DPYD: variants seen among roughly 807,000 people sequenced by gnomAD.
The protein encoded by DPYD is dihydropyrimidine dehydrogenase [NADP(+)].
A neutral mutation model predicts 116.2 loss-of-function variants in DPYD; 109 were observed. That is an observed-to-expected ratio of 0.94 (90% CI 0.80 to 1.10). The LOEUF (loss-of-function observed/expected upper bound fraction) is 1.10. DPYD is among the 50% of genes least tolerant of loss of function. DPYD has a pLI of 0.00. For missense variants in DPYD, 1,302 were observed against 1,254.5 expected, an observed-to-expected ratio of 1.04 and a Z score of -0.57; for synonymous variants, 440 against 432.0, an observed-to-expected ratio of 1.02 and a Z score of -0.23.
chr1:97,130,340 C>A (rs956425536), intron 20 of DPYD, among the ~76,000 whole-genome samples: 3 of 152,096 alleles, frequency 2.0e-5, no homozygotes, highest in Admixed American at 1.3e-4. Context: ...AAAGTATCTT[C>A]TTTGTATGGA....
At chr1:97,391,554 T>C (rs1252249200) in intron 14 of DPYD, among the ~76,000 whole-genome samples, 1 of 151,966 alleles carries the variant, frequency 6.6e-6, no homozygotes, top group African/African-American at 2.4e-5. Context: ...TTCAAGTCTC[T>C]CTAGGTGGTC....
At chr1:97,460,687 T>C (rs1175461818) in intron 13 of DPYD, among the ~76,000 whole-genome samples, 2 of 152,162 alleles carry the variant, frequency 1.3e-5, no homozygotes, top group African/African-American at 2.4e-5. Context: ...AGAAATGTCA[T>C]TGTCCTGAAC....
chr1:97,113,485 A>G (rs1160531478), intron 20 of DPYD, among the ~76,000 whole-genome samples: 1 of 152,122 alleles, frequency 6.6e-6, no homozygotes, highest in Non-Finnish European at 1.5e-5. Context: ...TGTGGAATTC[A>G]CTAATCTACC....
At chr1:97,546,979 G>A in intron 12 of DPYD, 2 of 1,601,926 alleles carry the variant, frequency 1.2e-6, no homozygotes, top group South Asian at 1.1e-5. Context: ...ACTCTGAATG[G>A]ACCATAGTGT....
At chr1:97,857,156 G>GA (rs1284743591) in intron 2 of DPYD, among the ~76,000 whole-genome samples, 1 of 152,068 alleles carries the variant, frequency 6.6e-6, no homozygotes, top group Non-Finnish European at 1.5e-5. Flanking sequence ...CCCATAGCCT[G>GA]AAAAATAGAA....
chr1:97,466,770 G>A (rs1412083944), intron 13 of DPYD, among the ~76,000 whole-genome samples: 1 of 151,970 alleles, frequency 6.6e-6, no homozygotes, highest in African/African-American at 2.4e-5. Flanking sequence ...AGGCCACCAG[G>A]CATCCAGTAC....
intron 19 of DPYD, among the ~76,000 whole-genome samples, chr1:97,219,338 C>T (rs1474829746): frequency 1.3e-5 from 2 of 152,022 alleles, no homozygotes; most frequent in African/African-American, 2.4e-5. Flanking sequence ...CATCTGAACC[C>T]TTGGGAAAAT....
intron 18 of DPYD, among the ~76,000 whole-genome samples, chr1:97,286,075 T>C (rs1045068440): frequency 1.4e-4 from 22 of 152,186 alleles, no homozygotes; most frequent in African/African-American, 4.8e-5. Flanking sequence ...TTCCTTTCCA[T>C]GTTTAGCGCT....
chr1:97,585,317 T>C (rs72732340), intron 10 of DPYD, among the ~76,000 whole-genome samples: 1 of 152,250 alleles, frequency 6.6e-6, no homozygotes, highest in Non-Finnish European at 1.5e-5. Context: ...AGAAATTAAA[T>C]TGGTAGGGAA....
chr1:97,807,324 G>A (rs1317524198), intron 3 of DPYD, among the ~76,000 whole-genome samples: 3 of 151,964 alleles, frequency 2.0e-5, no homozygotes, highest in African/African-American at 7.2e-5. Context: ...ATCAACATTT[G>A]GTTGTGTCAG....
At chr1:97,241,487 T>C (rs1662338032) in intron 18 of DPYD, among the ~76,000 whole-genome samples, 1 of 151,994 alleles carries the variant, frequency 6.6e-6, no homozygotes, top group South Asian at 2.1e-4. Context: ...AAAAAGGATG[T>C]AATACATTAA....
intron 20 of DPYD, among the ~76,000 whole-genome samples, chr1:97,185,086 T>C (rs1341955889): frequency 6.6e-6 from 1 of 152,180 alleles, no homozygotes; most frequent in South Asian, 2.1e-4. Context: ...TGTTGGATTT[T>C]GTCAAATGCT....
intron 14 of DPYD, among the ~76,000 whole-genome samples, chr1:97,405,642 A>G (rs760238492): frequency 5.9e-5 from 9 of 151,944 alleles, no homozygotes; most frequent in Admixed American, 2.6e-4. Flanking sequence ...CAGCCTCCCA[A>G]GTAGCTGGGA....
At chr1:97,723,501 G>A (rs1465883952) in intron 4 of DPYD, among the ~76,000 whole-genome samples, 1 of 151,206 alleles carries the variant, frequency 6.6e-6, no homozygotes, top group African/African-American at 2.4e-5. Context: ...TTCAATATAA[G>A]CTGGAGGACA....
At chr1:97,711,164 C>G (rs2101001824) in intron 5 of DPYD, among the ~76,000 whole-genome samples, 1 of 151,830 alleles carries the variant, frequency 6.6e-6, no homozygotes, top group Middle Eastern at 3.4e-3. Flanking sequence ...GGAACTGACT[C>G]ATAAGATTAT....
rs1189968690 is a variant in DPYD at position 97,423,560 on chromosome 1, C to T, written c.1905+26499G>A. Among the ~76,000 whole-genome samples, 4 of 152,156 alleles carry T rather than the reference C, an allele frequency of 2.6e-5. No homozygotes were observed. The East Asian group carries it at 7.8e-4, about 29-fold the overall frequency. On this transcript the variant is annotated intron_variant, in intron 14 of 22. Transcript: ENST00000370192. ...CCCTGGTGACCCGAATGAGTTAATG[C>T]ATTGTCCTAAAGCTCTAATTTACAA...
chr1:97,287,423 A>G (rs1665775201), intron 18 of DPYD, among the ~76,000 whole-genome samples: 1 of 152,162 alleles, frequency 6.6e-6, no homozygotes, highest in South Asian at 2.1e-4. Context: ...TCAGATCTCC[A>G]GCTGCGTGCT....
rs1255986090 is a variant in DPYD at position 97,508,270 on chromosome 1, C to T, written c.1740+7456G>A. Among the ~76,000 whole-genome samples, 5 of 151,900 alleles carry T rather than the reference C, an allele frequency of 3.3e-5. No individual in the cohort carries two copies. The East Asian group carries it at 7.8e-4, about 24-fold the overall frequency. On this transcript the variant is annotated intron_variant, in intron 13 of 22. Coordinates refer to ENST00000370192, the MANE Select transcript of DPYD (RefSeq NM_000110.4). ...CTTCTCTGAGGAGGTAACTTTTGAT[C>T]TGAGAACTGATTAAGAAAAAAGAGC...
At chr1:97,786,073 TAA>T (rs111700704) in intron 3 of DPYD, among the ~76,000 whole-genome samples, 27 of 132,826 alleles carry the variant, frequency 2.0e-4, no homozygotes, top group Admixed American at 2.3e-4. Context: ...TCAGCCAAAT[TAA>T]AAAAAAAAAA....
Sources: gnomAD v4.1 joint callset for allele counts (sites outside exome capture counted in the v4.1 genomes callset) on GRCh38, gnomAD v4.1.1 for gene constraint, MANE v1.5 for transcripts, NCBI Gene and HGNC (gene_info 2026-07-23, HGNC 2026-07-21) for gene names.